Variants in LYPLAL1 observed in about 807,000 individuals in gnomAD.
The protein encoded by LYPLAL1 is lysophospholipase like 1, also known as lysophospholipase-like protein 1.
A neutral mutation model predicts 19.7 loss-of-function variants in LYPLAL1; 23 were observed. The observed-to-expected ratio is 1.17, with a 90% CI of 0.84 to 1.65. The LOEUF (loss-of-function observed/expected upper bound fraction) is 1.65. Ranked by LOEUF, LYPLAL1 falls within the 40% of genes most tolerant of loss-of-function variation. The pLI is 0.00. For missense variants in LYPLAL1, 355 were observed against 279.4 expected (o/e 1.27, Z -1.93); for synonymous variants, 119 against 96.3 (o/e 1.24, Z -1.38).
the LYPLAL1 span, among the ~76,000 whole-genome samples, chr1:219,442,325 C>T: frequency 6.6e-6 from 1 of 152,072 alleles, no homozygotes; most frequent in African/African-American, 2.4e-5. Context: ...GAAGTGGATC[C>T]AGATTTTCAC....
the LYPLAL1 span, among the ~76,000 whole-genome samples, chr1:219,407,937 A>G: frequency 6.6e-6 from 1 of 152,130 alleles, no homozygotes; most frequent in Non-Finnish European, 1.5e-5. Context: ...GGTCTCTTTT[A>G]TAAGGACACT....
At chr1:219,265,784 C>G in the LYPLAL1 span, among the ~76,000 whole-genome samples, 1 of 152,160 alleles carries the variant, frequency 6.6e-6, no homozygotes, top group African/African-American at 2.4e-5. Context: ...GGCTACAAAC[C>G]TGTACAACAT....
At chr1:219,364,832 C>T in the LYPLAL1 span, among the ~76,000 whole-genome samples, 1 of 152,098 alleles carries the variant, frequency 6.6e-6, no homozygotes, top group Non-Finnish European at 1.5e-5. Flanking sequence ...CATTTTTATA[C>T]ACTCCATCAA....
the LYPLAL1 span, among the ~76,000 whole-genome samples, chr1:219,382,516 C>A: frequency 2.0e-5 from 3 of 152,246 alleles, no homozygotes; most frequent in East Asian, 1.9e-4. Flanking sequence ...CCCACCACTG[C>A]GCCCGGCTAA....
At chr1:219,388,990 A>G in the LYPLAL1 span, among the ~76,000 whole-genome samples, 1 of 152,160 alleles carries the variant, frequency 6.6e-6, no homozygotes, top group African/African-American at 2.4e-5. Flanking sequence ...CTCTTCACAT[A>G]TCTATCCAGG....
At chr1:219,211,252 C>T (rs1450348161) in intron 4 of LYPLAL1, among the ~76,000 whole-genome samples, 4 of 152,026 alleles carry the variant, frequency 2.6e-5, no homozygotes, top group South Asian at 2.1e-4. Flanking sequence ...ATTTTTAAGA[C>T]GTCCTCTATA....
chr1:219,334,526 G>T, the LYPLAL1 span, among the ~76,000 whole-genome samples: 3 of 147,150 alleles, frequency 2.0e-5, no homozygotes, highest in African/African-American at 7.5e-5. Flanking sequence ...AATGAAGAGG[G>T]GTGTGTGTGT....
chr1:219,394,658 G>C, the LYPLAL1 span, among the ~76,000 whole-genome samples: 5 of 152,122 alleles, frequency 3.3e-5, no homozygotes, highest in African/African-American at 1.2e-4. Flanking sequence ...AAGTCCAGGG[G>C]TATATGTGCA....
At chr1:219,233,834 T>A in the LYPLAL1 span, among the ~76,000 whole-genome samples, 1 of 151,932 alleles carries the variant, frequency 6.6e-6, no homozygotes, top group South Asian at 2.1e-4. Flanking sequence ...AAAAAAGGCC[T>A]AACAAAATGC....
chr1:219,190,872 T>C lies in LYPLAL1; in HGVS notation c.192-2210T>C, dbSNP rs576781926. 9.9e-5 allele frequency among the ~76,000 whole-genome samples: 15 copies of C among 151,650 alleles called. No individual in the cohort carries two copies. In the South Asian group the frequency reaches 3.1e-3, roughly 31 times the overall value. On this transcript the variant is annotated intron_variant, in intron 2 of 4. Coordinates refer to ENST00000366928, the MANE Select transcript of LYPLAL1 (RefSeq NM_138794.5). ...AATCAATGTTGATAGTCTCACTCAG[T>C]AGTTGCTTGGGAAGGTTACGGGAGT...
the LYPLAL1 span, among the ~76,000 whole-genome samples, chr1:219,243,481 G>A: frequency 6.6e-6 from 1 of 152,146 alleles, no homozygotes; most frequent in Non-Finnish European, 1.5e-5. Flanking sequence ...TAAGCTGGAG[G>A]AAGAAATATT....
the LYPLAL1 span, among the ~76,000 whole-genome samples, chr1:219,305,950 T>C: frequency 6.6e-6 from 1 of 152,220 alleles, no homozygotes; most frequent in African/African-American, 2.4e-5. Context: ...TATTCTCCCA[T>C]TTCCAGATTA....
chr1:219,444,163 C>A, the LYPLAL1 span, among the ~76,000 whole-genome samples: 34 of 152,206 alleles, frequency 2.2e-4, no homozygotes, highest in Middle Eastern at 3.4e-3. Context: ...AACAGTAGAA[C>A]CCCCCTTACC....
the LYPLAL1 span, chr1:219,273,203 T>G: frequency 1.3e-5 from 2 of 152,218 alleles, no homozygotes; most frequent in African/African-American, 4.8e-5. Flanking sequence ...AGTAATTGCC[T>G]GGAAAAGGTA....
At chr1:219,245,585 A>G in the LYPLAL1 span, among the ~76,000 whole-genome samples, 7 of 152,220 alleles carry the variant, frequency 4.6e-5, no homozygotes, top group African/African-American at 1.7e-4. Flanking sequence ...TACTTTAATC[A>G]TGTCCTGCAG....
At chr1:219,210,429 T>C in intron 3 of LYPLAL1, 103 bp from the exon 4 acceptor site, 1 of 812,920 alleles carries the variant, frequency 1.2e-6, no homozygotes, top group South Asian at 2.2e-5. Context: ...TAGCATTCTC[T>C]TTAAAGGTCT....
the LYPLAL1 span, among the ~76,000 whole-genome samples, chr1:219,442,233 A>G: frequency 6.6e-6 from 1 of 151,858 alleles, no homozygotes; most frequent in Admixed American, 6.6e-5. Context: ...TTCAGTTTCT[A>G]TGTTCTTTGT....
chr1:219,243,927 A>AC, the LYPLAL1 span, among the ~76,000 whole-genome samples: 1 of 151,566 alleles, frequency 6.6e-6, no homozygotes, highest in Non-Finnish European at 1.5e-5. Flanking sequence ...CTCAAAAAAA[A>AC]AAAAAAAGGA....
chr1:219,282,322 GAAAAAGATA>G, the LYPLAL1 span, among the ~76,000 whole-genome samples: 1 of 151,892 alleles, frequency 6.6e-6, no homozygotes, highest in South Asian at 2.1e-4. Flanking sequence ...AAATGGGAGG[GAAAAAGATA>G]AGAAAAAATA....
Sources: allele counts gnomAD v4.1 joint callset (sites outside exome capture counted in the v4.1 genomes callset), GRCh38; gene constraint gnomAD v4.1.1; transcripts MANE v1.5; gene names NCBI Gene and HGNC (gene_info 2026-07-23, HGNC 2026-07-21).